Variants in ERI1 observed in about 807,000 individuals in gnomAD.
ERI1 encodes the protein exoribonuclease 1.
A neutral mutation model predicts 39.7 loss-of-function variants in ERI1; 39 were observed. The ratio of observed to expected loss-of-function variants is 0.98; its 90% CI spans 0.76 to 1.28. The LOEUF (loss-of-function observed/expected upper bound fraction) is 1.28, where lower values mean the gene tolerates loss of function less well. Ranked by LOEUF, ERI1 falls within the 50% of genes most tolerant of loss-of-function variation. ERI1 has a pLI of 0.00. For missense variants in ERI1, 581 were observed against 416.9 expected, an observed-to-expected ratio of 1.39 and a Z score of -3.43; for synonymous variants, 204 against 149.6, an observed-to-expected ratio of 1.36 and a Z score of -2.65.
intron 3 of ERI1, among the ~76,000 whole-genome samples, chr8:9,063,607 G>A (rs993775626): frequency 6.6e-6 from 1 of 152,122 alleles, no homozygotes; most frequent in African/African-American, 2.4e-5. Context: ...GGGGACAGGC[G>A]GGAGGGAAAG....
At chr8:9,070,456 C>G (rs1799012954) in intron 3 of ERI1, among the ~76,000 whole-genome samples, 1 of 152,104 alleles carries the variant, frequency 6.6e-6, no homozygotes, top group African/African-American at 2.4e-5. Flanking sequence ...CCACTGAACT[C>G]CAGCCTGGGC....
chr8:9,078,719 C>T (rs191647369), intron 3 of ERI1, among the ~76,000 whole-genome samples: 10 of 152,256 alleles, frequency 6.6e-5, no homozygotes, highest in African/African-American at 2.4e-4. Flanking sequence ...TCAGTGACTC[C>T]AGGGTGGGGT....
Position 9,029,820 on chromosome 8 carries a change from T to G in ERI1, c.836T>G (p.Ile279Arg). ...CCTAGAAGCCAAACCAAACTGACAA[T>G]AATGCTTGAAAAATTAGGAATGGAT... ...KVPRSQTKLTIMLEKLGMDYD... is the reference protein window; with the variant it reads ...KVPRSQTKLTRMLEKLGMDYD... The change falls in exon 7 of 7, where the codon ATA (isoleucine) becomes AGA (arginine). Residue 279 changes from isoleucine to arginine, a missense_variant. By Grantham distance (97) the Ile-to-Arg change is moderately conservative. Transcript: ENST00000250263. 6.2e-7 allele frequency: 1 copy of G among 1,614,170 alleles called. No individual in the cohort carries two copies. The highest frequency in any genetic ancestry group is 8.5e-7 in the Non-Finnish European group (1 of 1,180,024).
At chr8:9,009,510 T>C (rs757922448) in intron 2 of ERI1, among the ~76,000 whole-genome samples, 2 of 152,192 alleles carry the variant, frequency 1.3e-5, no homozygotes, top group Non-Finnish European at 2.9e-5. Flanking sequence ...ACCAAAGTTA[T>C]AGGACATAAA....
At chr8:9,095,669 T>A (rs1468931991) in intron 3 of ERI1, among the ~76,000 whole-genome samples, 1 of 152,008 alleles carries the variant, frequency 6.6e-6, no homozygotes, top group African/African-American at 2.4e-5. Context: ...TACAGGCACA[T>A]GCCACCATGC....
At chr8:9,049,363 A>G (rs1197145575) in intron 3 of ERI1, among the ~76,000 whole-genome samples, 6 of 140,828 alleles carry the variant, frequency 4.3e-5, no homozygotes, top group African/African-American at 1.6e-4. Context: ...AAAAAAAAAA[A>G]AAGAGCAACA....
chr8:9,098,047 A>T (rs1799933710), intron 3 of ERI1, among the ~76,000 whole-genome samples: 1 of 152,178 alleles, frequency 6.6e-6, no homozygotes, highest in African/African-American at 2.4e-5. Context: ...GCATGTTCTC[A>T]CTCCTAAGTG....
At chr8:9,036,190 G>A (rs551169158), downstream of ERI1, among the ~76,000 whole-genome samples, 4 of 152,340 alleles carry the variant, frequency 2.6e-5, no homozygotes, top group Admixed American at 6.5e-5. Context: ...AACCAGTGGC[G>A]TGGTTTGAGA....
chr8:9,044,411 A>G (rs3855900), intron 3 of ERI1, among the ~76,000 whole-genome samples: 70,882 of 151,898 alleles, frequency 0.47, 18,261 homozygotes, highest in African/African-American at 0.66. Flanking sequence ...GAAGCCAGCG[A>G]CCAGGTCAGC....
chr8:9,095,695 G>GT (rs1334314426), intron 3 of ERI1, among the ~76,000 whole-genome samples: 2 of 152,098 alleles, frequency 1.3e-5, no homozygotes, highest in East Asian at 3.9e-4. Flanking sequence ...TAATTTTTGT[G>GT]TTTTTTGTAG....
Position 9,031,810 on chromosome 8 carries a change from T to G in ERI1, c.*1776T>G, listed in dbSNP as rs1276658000. ...TTTTTGCTCGTCTGCCAGGATGGAG[T>G]GCAGTGGTGCGATCTTGGCTCACTG... On this transcript the variant is annotated 3_prime_UTR_variant, in exon 7 of 7. Transcript: ENST00000250263. 6.6e-6 allele frequency: 1 copy of G among 152,314 alleles called. No individual in the cohort carries two copies. The highest frequency in any genetic ancestry group is 1.5e-5 in the Non-Finnish European group (1 of 68,122). The allele number at this position is 152,314 out of a possible 1,614,324, so 9.4% of individuals were successfully genotyped here.
chr8:9,042,982 A>G (rs1798071789), intron 3 of ERI1, among the ~76,000 whole-genome samples: 1 of 152,146 alleles, frequency 6.6e-6, no homozygotes, highest in African/African-American at 2.4e-5. Context: ...GGATCTGGAG[A>G]AGAAAGGTGT....
At chr8:9,018,524 C>A in intron 5 of ERI1, 118 bp downstream of exon 5, 1 of 595,324 alleles carries the variant, frequency 1.7e-6, no homozygotes, top group Non-Finnish European at 2.9e-6. Context: ...AGTCTCACCC[C>A]ACAGGGAATA....
At chr8:9,011,971 G>T (rs113349883) in intron 3 of ERI1, among the ~76,000 whole-genome samples, 26 of 152,266 alleles carry the variant, frequency 1.7e-4, no homozygotes, top group African/African-American at 5.3e-4. Flanking sequence ...AAGTTAAAAT[G>T]TTGTTTTCCA....
At chr8:9,049,336 C>CAAAAAAAAAAAAAAAAAAAAAAAAA (rs3989371) in intron 3 of ERI1, among the ~76,000 whole-genome samples, 7 of 33,242 alleles carry the variant, frequency 2.1e-4, no homozygotes, top group Admixed American at 4.7e-4. Context: ...ACTCCGTCTC[C>CAAAAAAAAAAAAAAAAAAAAAAAAA]AAAAAAAAAA....
At chr8:9,025,226 A>T (rs987205419) in intron 6 of ERI1, among the ~76,000 whole-genome samples, 1 of 152,190 alleles carries the variant, frequency 6.6e-6, no homozygotes, top group Non-Finnish European at 1.5e-5. Flanking sequence ...TCCATGTGGC[A>T]CTCAGACTTG....
chr8:9,077,210 G>C (rs6997088), intron 3 of ERI1, among the ~76,000 whole-genome samples: 1 of 151,982 alleles, frequency 6.6e-6, no homozygotes, highest in African/African-American at 2.4e-5. Context: ...ATGTTCTCCA[G>C]TTCTTAAATG....
chr8:9,027,406 T>C (rs1797256861), intron 6 of ERI1, among the ~76,000 whole-genome samples: 1 of 152,206 alleles, frequency 6.6e-6, no homozygotes, highest in Non-Finnish European at 1.5e-5. Context: ...ATCAGATATA[T>C]ACTTGCAAAT....
chr8:9,039,321 C>T (rs1237324340), intron 3 of ERI1, among the ~76,000 whole-genome samples: 1 of 152,092 alleles, frequency 6.6e-6, no homozygotes, highest in African/African-American at 2.4e-5. Context: ...CAGATTTAGT[C>T]ATTCATTTCA....
Sources: gnomAD v4.1 joint callset for allele counts (sites outside exome capture counted in the v4.1 genomes callset) on GRCh38, gnomAD v4.1.1 for gene constraint, MANE v1.5 for transcripts, NCBI Gene and HGNC (gene_info 2026-07-23, HGNC 2026-07-21) for gene names.